The following GPHN variants were observed in gnomAD, a reference collection of about 807,000 sequenced individuals.
GPHN encodes the protein gephyrin.
GPHN carries 17 observed loss-of-function variants against 95.5 expected under a neutral mutation model. The ratio of observed to expected loss-of-function variants is 0.18; its 90% CI spans 0.12 to 0.27. The LOEUF (loss-of-function observed/expected upper bound fraction) is 0.27, where lower values mean the gene tolerates loss of function less well. Among genes scored for constraint, GPHN ranks in the 10% least tolerant of loss-of-function variants. The pLI, the probability that GPHN is intolerant of heterozygous loss-of-function variation, is 1.00. For synonymous variants in GPHN, 320 were observed against 322.5 expected (o/e 0.99, Z 0.08); for missense variants, 660 against 978.1 (o/e 0.67, Z 4.34).
At chr14:67,666,912 T>A in the GPHN span, among the ~76,000 whole-genome samples, 2 of 152,124 alleles carry the variant, frequency 1.3e-5, no homozygotes, top group Admixed American at 6.5e-5. Flanking sequence ...TAAAATCTGT[T>A]GAAAAAACAA....
chr14:66,584,148 A>G (rs1167673471), intron 1 of GPHN, among the ~76,000 whole-genome samples: 7 of 152,204 alleles, frequency 4.6e-5, no homozygotes, highest in African/African-American at 1.7e-4. Flanking sequence ...CTTTGTAGCA[A>G]TTGTGAATGG....
chr14:66,717,267 T>G (rs1481245233), intron 2 of GPHN, among the ~76,000 whole-genome samples: 2 of 152,218 alleles, frequency 1.3e-5, no homozygotes, highest in Admixed American at 1.3e-4. Context: ...AATTTCTTTC[T>G]TCTACTTGTT....
At chr14:67,666,176 C>G in the GPHN span, among the ~76,000 whole-genome samples, 1 of 152,214 alleles carries the variant, frequency 6.6e-6, no homozygotes, top group Admixed American at 6.5e-5. Context: ...CATTCCCTTC[C>G]TAGCTCCTTC....
At chr14:67,169,479 C>T (rs947923245) in intron 21 of GPHN, among the ~76,000 whole-genome samples, 2 of 152,286 alleles carry the variant, frequency 1.3e-5, no homozygotes, top group East Asian at 1.9e-4. Context: ...CAAAGGACTA[C>T]AAAGAGACCC....
At chr14:67,161,186 C>T (rs975468933) in intron 19 of GPHN, among the ~76,000 whole-genome samples, 3 of 151,928 alleles carry the variant, frequency 2.0e-5, no homozygotes, top group Admixed American at 6.6e-5. Context: ...CCCAGCTACA[C>T]GGGAGGCTGA....
the GPHN span, chr14:67,442,013 C>G: frequency 1.3e-5 from 2 of 153,690 alleles, no homozygotes. Flanking sequence ...TAGGGGACCA[C>G]GAAAATGTTT....
chr14:67,672,259 C>T, the GPHN span, among the ~76,000 whole-genome samples: 2 of 151,688 alleles, frequency 1.3e-5, no homozygotes, highest in Admixed American at 1.3e-4. Context: ...GCTGGGACTA[C>T]AGGCATGCAC....
chr14:67,671,270 A>G, the GPHN span, among the ~76,000 whole-genome samples: 2 of 152,232 alleles, frequency 1.3e-5, no homozygotes, highest in Non-Finnish European at 2.9e-5. Flanking sequence ...TCACACCTGT[A>G]ATCCTAGCAC....
the GPHN span, chr14:67,729,512 A>G: frequency 2.4e-6 from 2 of 838,950 alleles, no homozygotes; most frequent in Non-Finnish European, 3.9e-6. Context: ...GCCTGCAAAC[A>G]GAATGCCGTT....
chr14:66,813,774 C>T lies in GPHN; in HGVS notation c.202-10700C>T, dbSNP rs114294125. On this transcript the variant is annotated intron_variant, in intron 3 of 22. Transcript: ENST00000478722. Reference sequence around the variant, plus strand: ...ACCTGATCTGTCCAGGGAAGTCTTGCGCAACAGACAGGGCTGGTCTGACCT... The same window carrying T: ...ACCTGATCTGTCCAGGGAAGTCTTGTGCAACAGACAGGGCTGGTCTGACCT... Among the ~76,000 whole-genome samples the T allele has an allele frequency of 6.9e-3, 1,057 of 152,288 alleles. 15 individuals carry two copies. Among genetic ancestry groups the T allele is most frequent in the South Asian group, 0.018 (88 of 4,832 alleles).
intron 8 of GPHN, among the ~76,000 whole-genome samples, chr14:66,928,696 A>G (rs543340153): frequency 1.3e-5 from 2 of 152,152 alleles, no homozygotes; most frequent in African/African-American, 2.4e-5. Context: ...TGCCTATCCC[A>G]TAGGTTTTGG....
the GPHN span, chr14:67,302,044 T>C: frequency 6.2e-7 from 1 of 1,610,506 alleles, no homozygotes; most frequent in South Asian, 1.1e-5. Flanking sequence ...TGAGAGAGTT[T>C]ATGAAAGTAT....
the GPHN span, among the ~76,000 whole-genome samples, chr14:67,284,748 G>A: frequency 6.6e-6 from 1 of 151,608 alleles, no homozygotes; most frequent in Admixed American, 6.6e-5. Context: ...CATAACATAG[G>A]CTCTTTTGTG....
chr14:67,713,011 T>A, the GPHN span, among the ~76,000 whole-genome samples: 1 of 152,228 alleles, frequency 6.6e-6, no homozygotes, highest in Non-Finnish European at 1.5e-5. Context: ...TCCTTTGGAT[T>A]TGATCAAGTT....
rs1555432773 is a variant in GPHN, at chr14:66,891,763, T to TATA, written c.389+11730_389+11731insATA. 7.5e-4 allele frequency among the ~76,000 whole-genome samples: 100 copies of TATA among 133,402 alleles called. 2 individuals are homozygous for TATA. The highest frequency in any genetic ancestry group is 2.1e-3 in the African/African-American group (81 of 39,120). The allele number at this position is 133,402 out of a possible 152,430, so 87.5% of individuals were successfully genotyped here. ...GGTATTAATATTCTATATATATATA[T>TATA]TTTTTTTAATTCCTACAAGTCAATA... On this transcript the variant is annotated intron_variant, in intron 5 of 22. Coordinates refer to ENST00000478722, the MANE Select transcript of GPHN (RefSeq NM_020806.5).
chr14:66,760,018 C>T (rs905102179), intron 2 of GPHN, among the ~76,000 whole-genome samples: 8 of 152,174 alleles, frequency 5.3e-5, no homozygotes, highest in African/African-American at 1.7e-4. Context: ...AATAGCACCA[C>T]CCAATCTAAA....
At chr14:67,465,697 GC>G in the GPHN span, among the ~76,000 whole-genome samples, 1 of 152,192 alleles carries the variant, frequency 6.6e-6, no homozygotes, top group African/African-American at 2.4e-5. Flanking sequence ...TTGAATGGTG[GC>G]CCACCAAAAA....
chr14:66,688,768 C>T (rs112210513), intron 2 of GPHN, among the ~76,000 whole-genome samples: 6 of 152,102 alleles, frequency 3.9e-5, no homozygotes, highest in Non-Finnish European at 8.8e-5. Context: ...TTTGCAGGGA[C>T]ATGGATGAAG....
chr14:67,530,922 C>T, the GPHN span, among the ~76,000 whole-genome samples: 1 of 152,200 alleles, frequency 6.6e-6, no homozygotes, highest in Non-Finnish European at 1.5e-5. Flanking sequence ...TCACCTCTCA[C>T]GTCCCATGGC....
Sources: allele counts gnomAD v4.1 joint callset (sites outside exome capture counted in the v4.1 genomes callset), GRCh38; gene constraint gnomAD v4.1.1; transcripts MANE v1.5; gene names NCBI Gene and HGNC (gene_info 2026-07-23, HGNC 2026-07-21).